Variants in BAZ1A observed in about 807,000 individuals in gnomAD.
BAZ1A encodes bromodomain adjacent to zinc finger domain 1A.
Under a neutral mutation model 185.2 loss-of-function variants are expected in BAZ1A, and 50 were observed. That is an observed-to-expected ratio of 0.27 (90% CI 0.22 to 0.34). BAZ1A has a LOEUF of 0.34. Among genes scored for constraint, BAZ1A ranks in the 10% least tolerant of loss-of-function variants. The pLI, the probability that BAZ1A is intolerant of heterozygous loss-of-function variation, is 1.00. For synonymous variants in BAZ1A, 571 were observed against 615.6 expected, an observed-to-expected ratio of 0.93 and a Z score of 1.07; for missense variants, 1,356 against 1,839.9, an observed-to-expected ratio of 0.74 and a Z score of 4.81.
At chr14:34,795,605 A>T in intron 10 of BAZ1A, 65 bp downstream of exon 10, 5 of 1,119,994 alleles carry the variant, frequency 4.5e-6, no homozygotes, top group Non-Finnish European at 6.3e-6. Context: ...GAATGATTTC[A>T]TCAGCAAAGC....
At chr14:34,784,048 A>G in intron 14 of BAZ1A, 121 bp from the exon 15 acceptor site, 1 of 883,300 alleles carries the variant, frequency 1.1e-6, no homozygotes, top group African/African-American at 1.7e-5. Flanking sequence ...TAGTCTCTCA[A>G]ACATGTCAAT....
At chr14:34,811,331 T>C (rs2041927356) in intron 4 of BAZ1A, among the ~76,000 whole-genome samples, 1 of 152,096 alleles carries the variant, frequency 6.6e-6, no homozygotes, top group African/African-American at 2.4e-5. Flanking sequence ...TTGGTAGAGG[T>C]AGCGTTTCAC....
chr14:34,858,895 A>G (rs955281124), intron 3 of BAZ1A, among the ~76,000 whole-genome samples: 2 of 152,218 alleles, frequency 1.3e-5, no homozygotes, highest in African/African-American at 2.4e-5. Context: ...AATAAATTCC[A>G]GACAAAGAGA....
intron 18 of BAZ1A, among the ~76,000 whole-genome samples, chr14:34,775,207 AAAC>A (rs1026271563): frequency 3.9e-5 from 6 of 152,228 alleles, no homozygotes; most frequent in African/African-American, 1.4e-4. Flanking sequence ...CTCAAACAAA[AAAC>A]AAAAAAAAAC....
At position 34,776,335 on chromosome 14, in the gene BAZ1A, C is replaced by A. The variant is rs1879603359; in HGVS notation, c.2417G>T (p.Gly806Val). The A allele has an allele frequency of 6.2e-7, 1 of 1,613,922 alleles. No homozygotes were observed. The highest frequency in any genetic ancestry group is 1.3e-5 in the African/African-American group (1 of 74,888). Reference protein sequence around the residue: ...AIACTNIFPLGRDRMYRRYWI... With the variant: ...AIACTNIFPLVRDRMYRRYWI... ...GTATCGTCTATACATGCGGTCGCGA[C>A]CCAAGGGAAAGATATTGGTACAGGC... The change falls in exon 18 of 27, where the codon GGT (glycine) becomes GTT (valine). Residue 806 changes from glycine to valine, a missense_variant. Transcript: ENST00000360310.
Position 34,862,150 on chromosome 14 carries a change from T to A in BAZ1A, c.286A>T (p.Thr96Ser), listed in dbSNP as rs771695338. 3.7e-6 allele frequency: 6 copies of A among 1,614,000 alleles called. No individual in the cohort carries two copies. The change falls in exon 3 of 27, where the codon ACC (threonine) becomes TCC (serine). Residue 96 changes from threonine (T) to serine (S), a missense_variant. By Grantham distance (58) the Thr-to-Ser change is moderately conservative. Coordinates refer to ENST00000360310, the MANE Select transcript of BAZ1A (RefSeq NM_013448.3). ...IIPVLYLTSL[T>S]HRSRLHEICD... ...ATTTCATGTAAGCGCGAACGATGGG[T>A]AAGGCTGGTCAAGTATAAAACTGGA...
At chr14:34,868,786 G>A (rs1045655975) in intron 2 of BAZ1A, among the ~76,000 whole-genome samples, 2 of 151,628 alleles carry the variant, frequency 1.3e-5, no homozygotes, top group African/African-American at 4.9e-5. Context: ...GGGCGACACA[G>A]TGAGACTCCG....
At chr14:34,796,193 T>TACACAC (rs1881189411) in intron 9 of BAZ1A, among the ~76,000 whole-genome samples, 6 of 107,526 alleles carry the variant, frequency 5.6e-5, no homozygotes, top group Non-Finnish European at 7.9e-5. Context: ...CACACACACA[T>TACACAC]ATATGCATGC....
chr14:34,820,304 G>T (rs1364020115), intron 4 of BAZ1A, among the ~76,000 whole-genome samples: 1 of 151,506 alleles, frequency 6.6e-6, no homozygotes, highest in Non-Finnish European at 1.5e-5. Context: ...TTTTTTGTGT[G>T]GTTTTTTGTA....
chr14:34,844,976 TATTC>T (rs897428848), intron 3 of BAZ1A, among the ~76,000 whole-genome samples: 1 of 152,170 alleles, frequency 6.6e-6, no homozygotes, highest in African/African-American at 2.4e-5. Flanking sequence ...AATACAGCCA[TATTC>T]ATTCATTTAT....
intron 21 of BAZ1A, among the ~76,000 whole-genome samples, chr14:34,768,402 C>T (rs1953430): frequency 0.6 from 91,128 of 151,960 alleles, 27,465 homozygotes; most frequent in South Asian, 0.68. Context: ...ATAAGTTCCA[C>T]AGCCATTCAT....
chr14:34,754,332 C>T (rs185487640), intron 26 of BAZ1A, among the ~76,000 whole-genome samples: 105 of 146,400 alleles, frequency 7.2e-4, no homozygotes, highest in South Asian at 1.7e-3. Context: ...GGTGGGAGGA[C>T]AGCTTGAGCC....
chr14:34,863,365 G>A (rs1307800733), intron 2 of BAZ1A, among the ~76,000 whole-genome samples: 3 of 151,636 alleles, frequency 2.0e-5, no homozygotes, highest in Non-Finnish European at 4.4e-5. Context: ...GTTTCTCCAT[G>A]TTGGTCAGTC....
intron 18 of BAZ1A, 123 bp downstream of exon 18, chr14:34,775,796 G>C (rs1216826002): frequency 1.4e-5 from 10 of 726,628 alleles, no homozygotes; most frequent in Non-Finnish European, 1.8e-5. Flanking sequence ...TAAAAGGACA[G>C]CCTAAATCAA....
At chr14:34,818,687 G>A (rs1189683852) in intron 4 of BAZ1A, among the ~76,000 whole-genome samples, 1 of 151,996 alleles carries the variant, frequency 6.6e-6, no homozygotes, top group Non-Finnish European at 1.5e-5. Context: ...TCCCACCCAG[G>A]ACATGAATCT....
chr14:34,831,685 G>A (rs1332763877), intron 3 of BAZ1A, among the ~76,000 whole-genome samples: 2 of 152,056 alleles, frequency 1.3e-5, no homozygotes, highest in African/African-American at 4.8e-5. Flanking sequence ...TATACTATAT[G>A]GGTCAACCCA....
intron 4 of BAZ1A, among the ~76,000 whole-genome samples, chr14:34,812,618 T>C (rs1279423367): frequency 2.6e-5 from 4 of 152,050 alleles, no homozygotes; most frequent in Admixed American, 2.0e-4. Flanking sequence ...GTAGCAGCAA[T>C]AGAGAGAAGA....
intron 23 of BAZ1A, among the ~76,000 whole-genome samples, chr14:34,762,540 G>A (rs966753493): frequency 6.6e-6 from 1 of 151,084 alleles, no homozygotes; most frequent in African/African-American, 2.4e-5. Flanking sequence ...GCTGTAGTAC[G>A]ATCACGGCTC....
intron 24 of BAZ1A, 113 bp from the exon 25 acceptor site, chr14:34,758,959 A>G (rs184720632): frequency 1.0e-6 from 1 of 990,852 alleles, no homozygotes; most frequent in Non-Finnish European, 1.5e-6. Flanking sequence ...CACTCCGTAC[A>G]CTGAGATGTT....
Sources: gnomAD v4.1 joint callset for allele counts (sites outside exome capture counted in the v4.1 genomes callset) on GRCh38, gnomAD v4.1.1 for gene constraint, MANE v1.5 for transcripts, NCBI Gene and HGNC (gene_info 2026-07-23, HGNC 2026-07-21) for gene names.